TRIOBP: variants seen among roughly 807,000 people sequenced by gnomAD.
TRIOBP encodes TRIO and F-actin-binding protein.
In TRIOBP, 169 loss-of-function variants were observed where a neutral mutation model predicts 238.8. The observed-to-expected ratio is 0.71, with a 90% CI of 0.62 to 0.80. TRIOBP has a LOEUF of 0.80. Among genes scored for constraint, TRIOBP ranks in the 30% least tolerant of loss-of-function variants. The probability of loss-of-function intolerance (pLI) is 0.00; values close to 1 mark genes in which losing one functional copy is unlikely to be tolerated. For missense variants in TRIOBP, 2,838 were observed against 3,122.6 expected (o/e 0.91, Z 2.17); for synonymous variants, 1,150 against 1,274.4 (o/e 0.90, Z 2.08).
intron 8 of TRIOBP, among the ~76,000 whole-genome samples, chr22:37,733,927 A>C (rs1479156599): frequency 6.6e-6 from 1 of 152,186 alleles, no homozygotes; most frequent in Non-Finnish European, 1.5e-5. Flanking sequence ...TTGGCCTCCC[A>C]AGGTGCTGGG....
chr22:37,706,506 G>A (rs1268823220), intron 3 of TRIOBP, among the ~76,000 whole-genome samples: 1 of 152,110 alleles, frequency 6.6e-6, no homozygotes, highest in Non-Finnish European at 1.5e-5. Context: ...TTTCAAGAGA[G>A]GGGGCCAGGC....
chr22:37,762,698 C>T (rs1450053473), intron 17 of TRIOBP, among the ~76,000 whole-genome samples: 3 of 152,086 alleles, frequency 2.0e-5, no homozygotes, highest in Non-Finnish European at 2.9e-5. Context: ...ACCCCAGATG[C>T]GGAAGGCAGC....
rs756535970 is a variant in TRIOBP, at chr22:37,771,735, A to G, written c.6935A>G (p.Lys2312Arg). The G allele has an allele frequency of 6.2e-7, 1 of 1,614,102 alleles. No homozygotes were observed. Among genetic ancestry groups the G allele is most frequent in the East Asian group, 2.2e-5 (1 of 44,874 alleles). The change falls in exon 22 of 24, where the codon AAG becomes AGG. Residue 2312 changes from lysine to arginine, a missense_variant and splice_region_variant. Lys to Arg is a conservative substitution (Grantham distance 26). Coordinates refer to ENST00000644935, the MANE Select transcript of TRIOBP (RefSeq NM_001039141.3). ...CGGGACGAGCTCCAGATGATGCAGAAGGTAGGTCCTTCCGCTGGGCTGGGG... is the reference window on the plus strand; with the variant it reads ...CGGGACGAGCTCCAGATGATGCAGAGGGTAGGTCCTTCCGCTGGGCTGGGG... ...CLRDELQMMQ[K>R]DKRFTSGKYQ...
Position 37,723,194 on chromosome 22 carries a change from G to A in TRIOBP, c.638G>A (p.Gly213Asp). 1.9e-6 allele frequency: 3 copies of A among 1,613,822 alleles called. No homozygotes were observed. The highest frequency in any genetic ancestry group is 8.5e-7 in the Non-Finnish European group (1 of 1,179,816). The change falls in exon 7 of 24, where the codon GGT (glycine) becomes GAT (aspartate). Residue 213 changes from glycine to aspartate, a missense_variant. Coordinates refer to ENST00000644935, the MANE Select transcript of TRIOBP (RefSeq NM_001039141.3). The stretch of plus-strand genomic sequence containing the variant: ...TCTCTTCTCTCTCCAGACACCGGCG[G>A]TGGGGGCCGGAGCGCAGGACAGCAC... ...AAGQKKEDTG[G>D]GGRSAGQHWA...
chr22:37,734,501 C>T lies in TRIOBP; in HGVS notation c.4165C>T (p.Leu1389Phe), dbSNP rs144175566. 1 of 1,609,754 alleles carries T rather than the reference C, an allele frequency of 6.2e-7. No individual in the cohort carries two copies. Among genetic ancestry groups the T allele is most frequent in the East Asian group, 2.2e-5 (1 of 44,828 alleles). The change falls in exon 9 of 24, where the codon CTC becomes TTC. Residue 1389 changes from leucine to phenylalanine, a missense_variant. Physicochemically the swap from Leu to Phe is conservative, Grantham distance 22 (BLOSUM62 0). Around this residue, in one of 5 missense-constraint regions of TRIOBP, gnomAD observed 2,096 missense variants for 2,137.4 expected, o/e 0.98. Coordinates refer to ENST00000644935, the MANE Select transcript of TRIOBP (RefSeq NM_001039141.3). ...PEKRPEGDRQ[L>F]QGSPLPPRTS... ...GAAGAGACCTGAGGGAGATCGGCAG[C>T]TCCAGGGGTCCCCGCTGCCCCCCAG...
chr22:37,717,305 T>G (rs1923572157), intron 6 of TRIOBP, among the ~76,000 whole-genome samples: 1 of 151,736 alleles, frequency 6.6e-6, no homozygotes, highest in African/African-American at 2.4e-5. Flanking sequence ...ACCCAAAGAG[T>G]GAGCAGCAGC....
intron 17 of TRIOBP, among the ~76,000 whole-genome samples, chr22:37,761,736 C>G (rs1201303244): frequency 6.6e-6 from 1 of 150,454 alleles, no homozygotes; most frequent in Non-Finnish European, 1.5e-5. Flanking sequence ...GTCCTGGGGC[C>G]AAGTAGTGGA....
In TRIOBP at chr22:37,768,158, G is replaced by A; in HGVS notation, c.6557G>A (p.Gly2186Asp). ...KTRSLQQGPD[G>D]LRKQHQSDVE... is the part of the protein sequence containing the mutation. ...CGGAGTCTCCAGCAGGGCCCGGATG[G>A]CCTCCGGAAGCAGCACCAGTAAGAT... is the stretch of plus-strand genomic sequence containing the variant. Residue 2186 changes from glycine (G) to aspartate (D), a missense_variant, in exon 19 of 24, where the codon GGC (glycine) becomes GAC (aspartate). Around this residue, in one of 5 missense-constraint regions of TRIOBP, gnomAD observed 2,096 missense variants for 2,137.4 expected, o/e 0.98. Transcript: ENST00000644935. 6.2e-7 allele frequency: 1 copy of A among 1,612,644 alleles called. No homozygotes were observed. Among genetic ancestry groups the A allele is most frequent in the Non-Finnish European group, 8.5e-7 (1 of 1,179,376 alleles).
chr22:37,720,000 C>CTTTTTTTTT (rs869261824), intron 6 of TRIOBP, among the ~76,000 whole-genome samples: 1 of 54,346 alleles, frequency 1.8e-5, no homozygotes, highest in African/African-American at 7.6e-5. Flanking sequence ...CCCCCCCGCC[C>CTTTTTTTTT]TTTTTTTTTT....
chr22:37,702,687 G>A lies in TRIOBP; in HGVS notation c.114+1208G>A, dbSNP rs143465896. Among the ~76,000 whole-genome samples the A allele has an allele frequency of 5.8e-3, 798 of 137,994 alleles. 3 individuals are homozygous for A. Among genetic ancestry groups the A allele is most frequent in the Non-Finnish European group, 9.2e-3 (608 of 66,324 alleles). 90.5% of individuals were successfully genotyped at this position (137,994 alleles called of 152,430 possible). A position where few individuals can be genotyped will look rare whatever the true frequency, so the allele number is the denominator to read the frequency against. ...GATAGGGTCTTGCTCTGTAGCACAGGCTGGAGTGCAGTGGTCCAACCTATA... is the reference window on the plus strand; with the variant it reads ...GATAGGGTCTTGCTCTGTAGCACAGACTGGAGTGCAGTGGTCCAACCTATA... On this transcript the variant is annotated intron_variant, in intron 3 of 23. Coordinates refer to ENST00000644935, the MANE Select transcript of TRIOBP (RefSeq NM_001039141.3).
intron 10 of TRIOBP, among the ~76,000 whole-genome samples, chr22:37,739,269 G>A (rs1342281338): frequency 2.0e-5 from 3 of 152,156 alleles, no homozygotes; most frequent in African/African-American, 4.8e-5. Context: ...GACTGTTCTC[G>A]TCACCCTCAG....
rs183220307 is a variant in TRIOBP, at chr22:37,762,410, G to A, written c.6324+3146G>A. Among the ~76,000 whole-genome samples, 243 of 152,288 alleles carry A rather than the reference G, an allele frequency of 1.6e-3. 2 individuals are homozygous for A. The highest frequency in any genetic ancestry group is 2.4e-3 in the Admixed American group (36 of 15,298). ...TAGAGCCAGCTTTAGATTTCCTTTA[G>A]ATAAAGGCTCTGCCACTACAATGAC... On this transcript the variant is annotated intron_variant, in intron 17 of 23. Transcript: ENST00000644935.
chr22:37,708,827 C>T (rs1466496727), intron 3 of TRIOBP, among the ~76,000 whole-genome samples: 3 of 152,210 alleles, frequency 2.0e-5, no homozygotes, highest in Admixed American at 6.5e-5. Context: ...AGTGCTGACC[C>T]GCCAGACAGG....
Position 37,772,656 on chromosome 22 carries a change from T to G in TRIOBP, c.6992T>G (p.Ile2331Ser), listed in dbSNP as rs1926841591. The G allele has an allele frequency of 1.9e-6, 3 of 1,614,086 alleles. No homozygotes were observed. The highest frequency in any genetic ancestry group is 2.5e-6 in the Non-Finnish European group (3 of 1,180,006). Residue 2331 changes from isoleucine to serine, a missense_variant, in exon 23 of 24, where the codon ATC becomes AGC. This residue lies in a region of TRIOBP where 2,096 missense variants were observed against 2,137.4 expected (regional missense o/e 0.98). Coordinates refer to ENST00000644935, the MANE Select transcript of TRIOBP (RefSeq NM_001039141.3). ...GACGTCTATGTGGAGCTGAGCCACATCAAGACACGGTCTGAGCGGGAGATC... is the reference window on the plus strand; with the variant it reads ...GACGTCTATGTGGAGCTGAGCCACAGCAAGACACGGTCTGAGCGGGAGATC... ...YQDVYVELSHIKTRSEREIEQ... is the reference protein window; with the variant it reads ...YQDVYVELSHSKTRSEREIEQ...
chr22:37,714,574 CAGG>C (rs1923422483), intron 5 of TRIOBP, among the ~76,000 whole-genome samples: 2 of 152,006 alleles, frequency 1.3e-5, no homozygotes, highest in Admixed American at 6.6e-5. Flanking sequence ...GAGGCTGAGA[CAGG>C]AGAATCGCTT....
Position 37,740,924 on chromosome 22 carries a change from T to TG in TRIOBP, c.5217dup (p.Ser1740GlufsTer89), listed in dbSNP as rs763441645. ...ACAAGAGGCCAGCAGAGGGCAAGGCTGGGAGCCCGCTCAAGGGCCGACTGG... is the reference window on the plus strand; with the variant it reads ...ACAAGAGGCCAGCAGAGGGCAAGGCTGGGGAGCCCGCTCAAGGGCCGACTGG... On this transcript the variant is annotated frameshift_variant, in exon 11 of 24. Coordinates refer to ENST00000644935, the MANE Select transcript of TRIOBP (RefSeq NM_001039141.3). LOFTEE classifies it high-confidence loss of function. 18 of 1,573,492 alleles carry TG rather than the reference T, an allele frequency of 1.1e-5. No homozygotes were observed. The highest frequency in any genetic ancestry group is 1.6e-5 in the Non-Finnish European group (18 of 1,159,480).
chr22:37,699,090 G>A (rs540355206), intron 2 of TRIOBP, among the ~76,000 whole-genome samples: 1 of 152,078 alleles, frequency 6.6e-6, no homozygotes, highest in East Asian at 1.9e-4. Context: ...GCAGTGAGCC[G>A]AGTGAGCCAA....
At chr22:37,763,972 A>G (rs1466482199) in intron 17 of TRIOBP, among the ~76,000 whole-genome samples, 1 of 152,064 alleles carries the variant, frequency 6.6e-6, no homozygotes, top group African/African-American at 2.4e-5. Flanking sequence ...CTTCATCTTC[A>G]AAGCCTGCAG....
chr22:37,708,456 CAGA>C (rs574908078), intron 3 of TRIOBP, among the ~76,000 whole-genome samples: 10 of 152,308 alleles, frequency 6.6e-5, no homozygotes, highest in African/African-American at 2.2e-4. Flanking sequence ...GTGGCTGAGG[CAGA>C]AGAATTGCTT....
Sources: gnomAD v4.1 joint callset for allele counts (sites outside exome capture counted in the v4.1 genomes callset) on GRCh38, gnomAD v4.1.1 for gene constraint, gnomAD v4.1.1 regional missense constraint, MANE v1.5 for transcripts, NCBI Gene and HGNC (gene_info 2026-07-23, HGNC 2026-07-21) for gene names.